The following SNX13 variants were observed in gnomAD, a reference collection of about 807,000 sequenced individuals.
SNX13 encodes the protein sorting nexin 13, also known as sorting nexin-13.
A neutral mutation model predicts 133.6 loss-of-function variants in SNX13; 45 were observed. That is an observed-to-expected ratio of 0.34 (90% CI 0.27 to 0.43). The LOEUF is 0.43. Ranked by LOEUF, SNX13 falls within the 20% of genes least tolerant of loss-of-function variation. SNX13 has a pLI of 1.00. For missense variants in SNX13, 1,032 were observed against 1,145.1 expected (o/e 0.90, Z 1.43); for synonymous variants, 414 against 373.9 (o/e 1.11, Z -1.24).
intron 1 of SNX13, among the ~76,000 whole-genome samples, chr7:17,930,260 G>A (rs1801245604): frequency 6.6e-6 from 1 of 152,116 alleles, no homozygotes; most frequent in South Asian, 2.1e-4. Context: ...TAAGAAAACT[G>A]AGGCTCTGAA....
chr7:17,801,024 A>ATATATATATATATATGTG (rs1562652099), intron 22 of SNX13, among the ~76,000 whole-genome samples: 10 of 16,264 alleles, frequency 6.1e-4, no homozygotes, highest in African/African-American at 1.5e-3. Context: ...ATATATATAT[A>ATATATATATATATATGTG]TATATATATA....
intron 1 of SNX13, among the ~76,000 whole-genome samples, chr7:17,934,548 G>A (rs1192518321): frequency 6.6e-6 from 1 of 152,110 alleles, no homozygotes. Flanking sequence ...TCTGCTGGGG[G>A]CCCAGAGATA....
chr7:17,913,624 CAG>C (rs1469952805), intron 1 of SNX13, among the ~76,000 whole-genome samples: 1 of 152,040 alleles, frequency 6.6e-6, no homozygotes, highest in African/African-American at 2.4e-5. Flanking sequence ...GGAACCCATA[CAG>C]AGCCTTGGCC....
intron 20 of SNX13, among the ~76,000 whole-genome samples, chr7:17,808,473 G>C (rs148098104): frequency 1.7e-3 from 266 of 152,298 alleles, no homozygotes; most frequent in Non-Finnish European, 2.5e-3. Flanking sequence ...CCAAACCTAA[G>C]TTTGATTGCT....
At position 17,890,367 on chromosome 7, in the gene SNX13, T is replaced by C. The variant is rs1369991802; in HGVS notation, c.436A>G (p.Thr146Ala). ...AATACAATGTCGTGTCCTTACCTAG[T>C]AGCAAACTGAATGAGTGCGTTTTGA... ...TLQNALIQFA[T>A]RSKEIDWQPY... The change falls in exon 5 of 26, where the codon ACT (threonine) becomes GCT (alanine). Residue 146 changes from threonine to alanine, a missense_variant. By Grantham distance (58) the Thr-to-Ala change is moderately conservative. Coordinates refer to ENST00000428135, the MANE Select transcript of SNX13 (RefSeq NM_015132.5). 1.2e-6 allele frequency: 2 copies of C among 1,609,798 alleles called. No individual in the cohort carries two copies. Among genetic ancestry groups the C allele is most frequent in the Non-Finnish European group, 8.5e-7 (1 of 1,178,086 alleles).
At chr7:17,801,774 T>C (rs1030353822) in intron 21 of SNX13, 115 bp from the exon 22 acceptor site, 3 of 662,966 alleles carry the variant, frequency 4.5e-6, no homozygotes, top group Non-Finnish European at 4.8e-6. Flanking sequence ...TGGTACAATA[T>C]ATAAGCCAAA....
chr7:17,853,476 C>A (rs571747061), intron 9 of SNX13, among the ~76,000 whole-genome samples: 1 of 152,258 alleles, frequency 6.6e-6, no homozygotes, highest in African/African-American at 2.4e-5. Context: ...ATCAATTATA[C>A]AGTGGAAGTT....
chr7:17,813,108 A>G (rs1451858697), intron 20 of SNX13, among the ~76,000 whole-genome samples: 2 of 152,194 alleles, frequency 1.3e-5, no homozygotes, highest in Non-Finnish European at 2.9e-5. Flanking sequence ...AAGTACTTAA[A>G]GTATAAAAAA....
chr7:17,900,965 GA>G (rs751375966), intron 1 of SNX13, among the ~76,000 whole-genome samples: 5 of 152,030 alleles, frequency 3.3e-5, no homozygotes, highest in Non-Finnish European at 7.4e-5. Context: ...AAGGCCCAGG[GA>G]AAGTACTGCC....
chr7:17,801,698 A>G (rs1456984143), intron 21 of SNX13, 39 bp from the exon 22 acceptor site: 4 of 1,464,554 alleles, frequency 2.7e-6, no homozygotes, highest in Non-Finnish European at 3.8e-6. Context: ...AACACACTAA[A>G]GCAGACAGTG....
At chr7:17,872,722 G>T (rs1053937736) in intron 8 of SNX13, among the ~76,000 whole-genome samples, 3 of 152,186 alleles carry the variant, frequency 2.0e-5, no homozygotes, top group Non-Finnish European at 2.9e-5. Context: ...CAAGTCTCAG[G>T]AATTGTTATC....
intron 1 of SNX13, among the ~76,000 whole-genome samples, chr7:17,903,914 T>C (rs1798116184): frequency 6.6e-6 from 1 of 152,170 alleles, no homozygotes; most frequent in African/African-American, 2.4e-5. Context: ...AAATACATAA[T>C]GGAAAAAATT....
intron 1 of SNX13, among the ~76,000 whole-genome samples, chr7:17,938,616 T>C (rs919908857): frequency 1.3e-5 from 2 of 152,220 alleles, no homozygotes; most frequent in African/African-American, 2.4e-5. Context: ...AATATTATCA[T>C]TGATTTACTG....
intron 9 of SNX13, among the ~76,000 whole-genome samples, chr7:17,857,564 A>G (rs1049453258): frequency 5.3e-5 from 8 of 152,114 alleles, no homozygotes; most frequent in African/African-American, 1.9e-4. Flanking sequence ...GTGGCGGATC[A>G]CCAGAGGTCA....
chr7:17,939,755 A>T (rs1352339142), intron 1 of SNX13, among the ~76,000 whole-genome samples: 1 of 152,232 alleles, frequency 6.6e-6, no homozygotes, highest in African/African-American at 2.4e-5. Context: ...ACTGAGCCAT[A>T]CATGTGCAGC....
intron 24 of SNX13, among the ~76,000 whole-genome samples, chr7:17,797,271 C>A (rs1409940714): frequency 1.3e-5 from 2 of 151,814 alleles, no homozygotes; most frequent in Non-Finnish European, 2.9e-5. Flanking sequence ...GATTGAACAT[C>A]TCATCCAAAT....
At chr7:17,813,770 T>A (rs1256184062) in intron 20 of SNX13, among the ~76,000 whole-genome samples, 1 of 151,904 alleles carries the variant, frequency 6.6e-6, no homozygotes, top group Non-Finnish European at 1.5e-5. Flanking sequence ...TTATTTTTTG[T>A]AGAGACAGGG....
intron 22 of SNX13, 32 bp from the exon 23 acceptor site, chr7:17,799,186 G>T: frequency 6.5e-7 from 1 of 1,549,716 alleles, no homozygotes; most frequent in South Asian, 1.2e-5. Context: ...GAATAAGTTT[G>T]AGTTAGCTAT....
At chr7:17,896,424 A>T (rs1797221036) in intron 2 of SNX13, among the ~76,000 whole-genome samples, 1 of 152,172 alleles carries the variant, frequency 6.6e-6, no homozygotes, top group African/African-American at 2.4e-5. Flanking sequence ...ATCCCCAAAA[A>T]AGTGATAGAT....
Sources: allele counts gnomAD v4.1 joint callset (sites outside exome capture counted in the v4.1 genomes callset), GRCh38; gene constraint gnomAD v4.1.1; transcripts MANE v1.5; gene names NCBI Gene and HGNC (gene_info 2026-07-23, HGNC 2026-07-21).